The following UGT1A10 variants were observed in gnomAD, a reference collection of about 807,000 sequenced individuals.
UGT1A10 encodes the protein UDP-glucuronosyltransferase 1A10.
A neutral mutation model predicts 45.8 loss-of-function variants in UGT1A10; 49 were observed. The observed-to-expected ratio is 1.07, with a 90% CI of 0.85 to 1.36. The LOEUF is 1.36. Among genes scored for constraint, UGT1A10 ranks in the 40% most tolerant of loss-of-function variants. The pLI is 0.00. For missense variants in UGT1A10, 745 were observed against 668.6 expected (o/e 1.11, Z -1.26); for synonymous variants, 284 against 249.7 (o/e 1.14, Z -1.29).
intron 1 of UGT1A10, among the ~76,000 whole-genome samples, chr2:233,658,909 T>C (rs901301616): frequency 6.6e-6 from 1 of 152,238 alleles, no homozygotes; most frequent in Non-Finnish European, 1.5e-5. Flanking sequence ...TTTTCAAAGT[T>C]GTTTTTGCTA....
chr2:233,759,542 G>A (rs751549220), intron 1 of UGT1A10, among the ~76,000 whole-genome samples: 1 of 152,024 alleles, frequency 6.6e-6, no homozygotes, highest in Non-Finnish European at 1.5e-5. Flanking sequence ...GTTCACATGC[G>A]CTCCAGTGAA....
intron 1 of UGT1A10, among the ~76,000 whole-genome samples, chr2:233,658,018 C>CTTT (rs34352422): frequency 7.8e-6 from 1 of 128,076 alleles, no homozygotes; most frequent in Non-Finnish European, 1.7e-5. Flanking sequence ...GTTTCCTCCT[C>CTTT]TTTTTTTTTT....
At chr2:233,702,524 C>A (rs2075691177) in intron 1 of UGT1A10, among the ~76,000 whole-genome samples, 1 of 152,076 alleles carries the variant, frequency 6.6e-6, no homozygotes, top group Non-Finnish European at 1.5e-5. Context: ...AGAGGAGATT[C>A]TTATCTTGTT....
At chr2:233,718,708 A>G (rs1400639249) in intron 1 of UGT1A10, 2 of 1,605,214 alleles carry the variant, frequency 1.2e-6, no homozygotes, top group Non-Finnish European at 1.7e-6. Context: ...TTTGTCTTCC[A>G]ATTACATGCT....
At chr2:233,637,605 G>C (rs567752356) in intron 1 of UGT1A10, among the ~76,000 whole-genome samples, 1 of 152,048 alleles carries the variant, frequency 6.6e-6, no homozygotes, top group Non-Finnish European at 1.5e-5. Context: ...TCATATTCAG[G>C]CTACATTTTA....
chr2:233,747,176 G>A lies in UGT1A10; in HGVS notation c.856-19858G>A, dbSNP rs762899554. 48 of 1,600,122 alleles carry A rather than the reference G, an allele frequency of 3.0e-5. 1 individual carries two copies. The highest frequency in any genetic ancestry group is 8.1e-5 in the African/African-American group (6 of 74,200). On this transcript the variant is annotated intron_variant, in intron 1 of 4. Coordinates refer to ENST00000344644, the MANE Select transcript of UGT1A10 (RefSeq NM_019075.4). ...AGAAAACAAATGTAGGAGGCACAGCGTGGGGTGGACAGTCAGCTGTCCGTG... is the reference window on the plus strand; with the variant it reads ...AGAAAACAAATGTAGGAGGCACAGCATGGGGTGGACAGTCAGCTGTCCGTG...
chr2:233,718,727 A>C (rs1248220003), intron 1 of UGT1A10: 2 of 1,610,746 alleles, frequency 1.2e-6, no homozygotes, highest in East Asian at 2.2e-5. Context: ...CTGATTTGCT[A>C]GGTGGCTCAA....
chr2:233,710,556 C>A (rs943295529), intron 1 of UGT1A10, among the ~76,000 whole-genome samples: 25 of 152,110 alleles, frequency 1.6e-4, no homozygotes, highest in African/African-American at 6.0e-4. Context: ...TGCCTGTTTT[C>A]TTTTAAAAGG....
intron 1 of UGT1A10, among the ~76,000 whole-genome samples, chr2:233,640,452 CAAT>C (rs1370897563): frequency 6.6e-6 from 1 of 152,068 alleles, no homozygotes; most frequent in Non-Finnish European, 1.5e-5. Context: ...ACACCTAACA[CAAT>C]AATAATACTT....
At chr2:233,649,943 TCTTTGAAGAGATA>T (rs2073697934) in intron 1 of UGT1A10, among the ~76,000 whole-genome samples, 1 of 152,160 alleles carries the variant, frequency 6.6e-6, no homozygotes. Context: ...TCTGTTACAA[TCTTTGAAGAGATA>T]CTTCAAGGTT....
At chr2:233,666,273 C>T (rs2074074104) in intron 1 of UGT1A10, among the ~76,000 whole-genome samples, 1 of 152,234 alleles carries the variant, frequency 6.6e-6, no homozygotes, top group African/African-American at 2.4e-5. Context: ...TCCACTCAAA[C>T]ACCTCCTGCT....
At chr2:233,704,936 G>C (rs2075813786) in intron 1 of UGT1A10, among the ~76,000 whole-genome samples, 1 of 152,114 alleles carries the variant, frequency 6.6e-6, no homozygotes, top group South Asian at 2.1e-4. Context: ...CCTAGATCAA[G>C]ACCAGCCTGG....
At chr2:233,682,245 G>A (rs1291217624) in intron 1 of UGT1A10, 4 of 1,614,104 alleles carry the variant, frequency 2.5e-6, no homozygotes, top group Non-Finnish European at 3.4e-6. Context: ...GCACCATTGC[G>A]AAGTGCATTT....
intron 1 of UGT1A10, chr2:233,671,783 T>G (rs2074199373): frequency 7.1e-7 from 1 of 1,403,588 alleles, no homozygotes; most frequent in Admixed American, 2.9e-5. Context: ...CTTGTTCTTT[T>G]GGGTAAATCA....
At chr2:233,647,388 T>C (rs2073632751) in intron 1 of UGT1A10, among the ~76,000 whole-genome samples, 1 of 152,234 alleles carries the variant, frequency 6.6e-6, no homozygotes, top group Non-Finnish European at 1.5e-5. Flanking sequence ...ATTGTGGTAA[T>C]GTTGGTCTCA....
At chr2:233,724,542 G>A (rs1366832768) in intron 1 of UGT1A10, among the ~76,000 whole-genome samples, 3 of 123,126 alleles carry the variant, frequency 2.4e-5, no homozygotes, top group East Asian at 2.5e-4. Context: ...GGGCAGAGGC[G>A]CTCCTCACAT....
chr2:233,719,624 G>A (rs3732217), intron 1 of UGT1A10: 109,088 of 1,613,632 alleles, frequency 0.068, 3,778 homozygotes, highest in East Asian at 0.17. Context: ...ACCCCAGGCC[G>A]ATCATGCCCA....
chr2:233,719,934 T>C (rs747645753), intron 1 of UGT1A10, among the ~76,000 whole-genome samples: 3 of 152,106 alleles, frequency 2.0e-5, no homozygotes, highest in African/African-American at 7.2e-5. Context: ...CGGACAGTGT[T>C]TGTAAAGGCA....
At chr2:233,661,145 T>C (rs1306283525) in intron 1 of UGT1A10, among the ~76,000 whole-genome samples, 1 of 150,698 alleles carries the variant, frequency 6.6e-6, no homozygotes, top group Non-Finnish European at 1.5e-5. Context: ...TATCTATGGA[T>C]GTAATGACTC....
Sources: gnomAD v4.1 joint callset for allele counts (sites outside exome capture counted in the v4.1 genomes callset) on GRCh38, gnomAD v4.1.1 for gene constraint, MANE v1.5 for transcripts, NCBI Gene and HGNC (gene_info 2026-07-23, HGNC 2026-07-21) for gene names.